Variants in DIP2A observed in about 807,000 individuals in gnomAD.
DIP2A encodes the protein disco-interacting protein 2 homolog A.
A neutral mutation model predicts 177.4 loss-of-function variants in DIP2A; 85 were observed. The observed-to-expected ratio is 0.48, with a 90% CI of 0.40 to 0.57. The LOEUF (loss-of-function observed/expected upper bound fraction) is 0.57, where lower values mean the gene tolerates loss of function less well. Ranked by LOEUF, DIP2A falls within the 20% of genes least tolerant of loss-of-function variation. DIP2A has a pLI of 0.00. For missense variants in DIP2A, 1,791 were observed against 2,100.2 expected (o/e 0.85, Z 2.88); for synonymous variants, 886 against 881.8 (o/e 1.00, Z -0.08).
intron 8 of DIP2A, among the ~76,000 whole-genome samples, chr21:46,517,476 T>C (rs544554544): frequency 1.1e-4 from 17 of 151,778 alleles, no homozygotes; most frequent in Non-Finnish European, 2.2e-4. Context: ...CCAAGTAGAG[T>C]AGTGGCTGGC....
At chr21:46,531,735 T>C (rs1257183861) in intron 9 of DIP2A, among the ~76,000 whole-genome samples, 1 of 150,400 alleles carries the variant, frequency 6.6e-6, no homozygotes, top group Non-Finnish European at 1.5e-5. Flanking sequence ...AAAAATATAC[T>C]TTCCATACCA....
intron 3 of DIP2A, among the ~76,000 whole-genome samples, chr21:46,495,244 T>TTCTCTTCTCTCTC (rs2057275285): frequency 2.6e-5 from 1 of 38,176 alleles, no homozygotes; most frequent in African/African-American, 1.2e-4. Context: ...CTTCTCTTCT[T>TTCTCTTCTCTCTC]TCTCTCTCTC....
chr21:46,467,153 G>A (rs1459826518), intron 1 of DIP2A, among the ~76,000 whole-genome samples: 2 of 151,904 alleles, frequency 1.3e-5, no homozygotes, highest in Non-Finnish European at 2.9e-5. Flanking sequence ...AAAATCAGCC[G>A]GGCGTGGTGG....
At chr21:46,490,780 C>G (rs1360762033) in intron 3 of DIP2A, 61 bp downstream of exon 3, 1 of 1,476,242 alleles carries the variant, frequency 6.8e-7, no homozygotes, top group Middle Eastern at 2.0e-4. Flanking sequence ...GGACTCTTGC[C>G]ATGAAGTCTT....
At chr21:46,464,123 G>A (rs1351652722) in intron 1 of DIP2A, among the ~76,000 whole-genome samples, 1 of 151,964 alleles carries the variant, frequency 6.6e-6, no homozygotes, top group African/African-American at 2.4e-5. Context: ...GCCAGGCGCA[G>A]TGGCTCACAC....
chr21:46,572,465 A>G (rs1430252810), downstream of DIP2A, among the ~76,000 whole-genome samples: 2 of 152,150 alleles, frequency 1.3e-5, no homozygotes, highest in East Asian at 1.9e-4. Flanking sequence ...GTGACCCCCA[A>G]TGTGGCAGTA....
intron 1 of DIP2A, among the ~76,000 whole-genome samples, chr21:46,474,007 T>C (rs1252075179): frequency 6.6e-6 from 1 of 152,196 alleles, no homozygotes. Context: ...GAGTCTGAAA[T>C]TGGGGGACAG....
At chr21:46,545,987 C>T (rs747986737) in intron 20 of DIP2A, 26 bp downstream of exon 20, 4 of 1,613,926 alleles carry the variant, frequency 2.5e-6, no homozygotes, top group Non-Finnish European at 3.4e-6. Flanking sequence ...TGTACCAGCA[C>T]TGGCAGTCAG....
rs187133032 is a variant in DIP2A at position 46,500,999 on chromosome 21, T to C, written c.655+2166T>C. ...TCTTAACTTGGACTTGATTTAATAC[T>C]TTGCTTACAGGATTGCAATTTTCTA... On this transcript the variant is annotated intron_variant, in intron 5 of 37. Coordinates refer to ENST00000417564, the MANE Select transcript of DIP2A (RefSeq NM_015151.4). 1.8e-4 allele frequency among the ~76,000 whole-genome samples: 28 copies of C among 152,356 alleles called. 1 individual carries two copies. In the East Asian group the frequency reaches 5.2e-3, roughly 28 times the overall value.
intron 3 of DIP2A, among the ~76,000 whole-genome samples, chr21:46,491,545 A>G (rs976849026): frequency 6.6e-6 from 1 of 152,240 alleles, no homozygotes; most frequent in African/African-American, 2.4e-5. Context: ...TTGTATAAAT[A>G]ATATATGCTT....
chr21:46,554,639 G>C lies in DIP2A; in HGVS notation c.3219G>C (p.Arg1073=). 6.3e-7 allele frequency: 1 copy of C among 1,598,544 alleles called. No individual in the cohort carries two copies. The highest frequency in any genetic ancestry group is 8.5e-7 in the Non-Finnish European group (1 of 1,173,096). Residue 1073 remains arginine (R), a synonymous_variant, in exon 27 of 38, where the codon CGG becomes CGC. Transcript: ENST00000417564. ...GTGGCTGCGTGCCTGTCACCGTGCGGCCCCCGCACCCTCAGAACCTCGGCA... is the reference window on the plus strand; with the variant it reads ...GTGGCTGCGTGCCTGTCACCGTGCGCCCCCCGCACCCTCAGAACCTCGGCA... The part of the protein sequence containing the change: ...LYCGCVPVTV[R]PPHPQNLGTT...
At chr21:46,513,151 A>T (rs549076723) in intron 8 of DIP2A, among the ~76,000 whole-genome samples, 16 of 152,144 alleles carry the variant, frequency 1.1e-4, no homozygotes, top group Admixed American at 6.5e-4. Flanking sequence ...TAATTTAGAA[A>T]TTTTTTACCA....
intron 6 of DIP2A, among the ~76,000 whole-genome samples, chr21:46,504,848 G>A (rs1462939957): frequency 6.6e-6 from 1 of 152,186 alleles, no homozygotes; most frequent in African/African-American, 2.4e-5. Context: ...GACTTAGTCA[G>A]TGCGAGTGCA....
In DIP2A at chr21:46,534,148, CAT is replaced by C. The variant is rs570972488; in HGVS notation, c.1539+36_1539+37del. The C allele has an allele frequency of 1.4e-3, 2,173 of 1,509,528 alleles. 5 individuals carry two copies. The highest frequency in any genetic ancestry group is 1.6e-3 in the Non-Finnish European group (1,716 of 1,089,190). The allele number at this position is 1,509,528 out of a possible 1,614,324, so 93.5% of individuals were successfully genotyped here. On this transcript the variant is annotated intron_variant, in intron 12 of 37. Coordinates refer to ENST00000417564, the MANE Select transcript of DIP2A (RefSeq NM_015151.4). ...GTTCCTAACTTAGAGAATGTAAAAA[CAT>C]GTCCCACAGGCTTAAGTCTTGCTTT...
chr21:46,509,597 T>G (rs949765728), intron 7 of DIP2A, among the ~76,000 whole-genome samples: 1 of 152,148 alleles, frequency 6.6e-6, no homozygotes. Flanking sequence ...GACTTGGCAT[T>G]TCATAAAAAT....
At position 46,549,759 on chromosome 21, in the gene DIP2A, CTCA is replaced by C. The variant is rs1411517607; in HGVS notation, c.2523-9_2523-7del. The C allele has an allele frequency of 1.2e-6, 2 of 1,613,248 alleles. No homozygotes were observed. The highest frequency in any genetic ancestry group is 3.3e-5 in the Admixed American group (2 of 60,022). Reference sequence around the variant, plus strand: ...TCTTGCCGTGTGGCCATTTCCATGTCTCATCCCGCAGGATCGCTGTGTTCTCTG... The same window carrying C: ...TCTTGCCGTGTGGCCATTTCCATGTCTCCCGCAGGATCGCTGTGTTCTCTG... On this transcript the variant is annotated splice_polypyrimidine_tract_variant and intron_variant, in intron 21 of 37. Coordinates refer to ENST00000417564, the MANE Select transcript of DIP2A (RefSeq NM_015151.4).
intron 34 of DIP2A, 83 bp downstream of exon 34, chr21:46,561,888 C>T: frequency 6.3e-7 from 1 of 1,575,058 alleles, no homozygotes; most frequent in Non-Finnish European, 8.6e-7. Flanking sequence ...GTGCTGGGGG[C>T]TGCGGCTCTG....
At chr21:46,505,335 G>A (rs753818038) in intron 6 of DIP2A, among the ~76,000 whole-genome samples, 2 of 152,180 alleles carry the variant, frequency 1.3e-5, no homozygotes, top group Non-Finnish European at 2.9e-5. Flanking sequence ...TCGGCTGGGC[G>A]CGGTGGCTCA....
In DIP2A at chr21:46,556,348, C is replaced by T. The variant is rs1003959841; in HGVS notation, c.3498+257C>T. ...CTGTCTAGCTTACAGGAACTGGTGG[C>T]TTTGAAGAATCTCTTACCTTGCTGG... On this transcript the variant is annotated intron_variant, in intron 29 of 37. Coordinates refer to ENST00000417564, the MANE Select transcript of DIP2A (RefSeq NM_015151.4). This position sits in a 1 kb window ranked among gnomAD's most constrained non-coding sequence, Gnocchi z 4.5. 1 of 1,439,238 alleles carries T rather than the reference C, an allele frequency of 6.9e-7. No homozygotes were observed. Among genetic ancestry groups the T allele is most frequent in the Non-Finnish European group, 9.3e-7 (1 of 1,076,576 alleles). 89.2% of individuals were successfully genotyped at this position (1,439,238 alleles called of 1,614,324 possible). A position where few individuals can be genotyped will look rare whatever the true frequency, so the allele number is the denominator to read the frequency against.
Sources: allele counts gnomAD v4.1 joint callset (sites outside exome capture counted in the v4.1 genomes callset), GRCh38; gene constraint gnomAD v4.1.1; non-coding constraint Gnocchi (gnomAD v3.1); transcripts MANE v1.5; gene names NCBI Gene and HGNC (gene_info 2026-07-23, HGNC 2026-07-21).